Variants in ZFPM1 observed in about 807,000 individuals in gnomAD.
ZFPM1 encodes zinc finger protein ZFPM1.
ZFPM1 carries 28 observed loss-of-function variants against 46.3 expected under a neutral mutation model. That is an observed-to-expected ratio of 0.60 (90% CI 0.45 to 0.83). The LOEUF is 0.83. Ranked by LOEUF, ZFPM1 falls within the 40% of genes least tolerant of loss-of-function variation. The pLI is 0.00. For missense variants in ZFPM1, 1,878 were observed against 1,432.4 expected (o/e 1.31, Z -5.02); for synonymous variants, 957 against 675.9 (o/e 1.42, Z -6.45).
At position 88,489,069 on chromosome 16, in the gene ZFPM1, C is replaced by G. The variant is rs868438302; in HGVS notation, c.184C>G (p.Pro62Ala). 1 of 1,613,136 alleles carries G rather than the reference C, an allele frequency of 6.2e-7. No individual in the cohort carries two copies. Among genetic ancestry groups the G allele is most frequent in the Middle Eastern group, 1.7e-4 (1 of 6,056 alleles). The change falls in exon 3 of 10, where the codon CCA becomes GCA. Residue 62 changes from proline to alanine, a missense_variant. Pro to Ala is a conservative substitution (Grantham distance 27). Transcript: ENST00000319555. ...SPPPLPPPTS[P>A]GGPKELEGQE... ...CCCACCGCTGCCGCCCCCCACATCC[C>G]CAGGAGGCCCCAAGGAGCTGGAAGG...
At chr16:88,463,010 G>A (rs1369341480) in intron 1 of ZFPM1, among the ~76,000 whole-genome samples, 1 of 152,154 alleles carries the variant, frequency 6.6e-6, no homozygotes, top group Non-Finnish European at 1.5e-5. Context: ...AGGTGTCTCT[G>A]TCACGGCTGG....
At position 88,534,794 on chromosome 16, in the gene ZFPM1, C is replaced by G. The variant is rs770946881; in HGVS notation, c.2836C>G (p.Pro946Ala). The part of the protein sequence containing the change: ...PAAAPEAVPP[P>A]PAPPSYSDKG... ...CGCCGCGCCCGAGGCCGTGCCGCCC[C>G]CGCCGGCGCCCCCCTCCTACTCGGA... is the stretch of plus-strand genomic sequence containing the variant. Residue 946 changes from proline (P) to alanine (A), a missense_variant, in exon 10 of 10, where the codon CCG becomes GCG. By Grantham distance (27) the Pro-to-Ala change is conservative. Transcript: ENST00000319555. The G allele has an allele frequency of 1.2e-5, 16 of 1,366,416 alleles. No homozygotes were observed. The African/African-American group carries it at 1.2e-4, about 10-fold the overall frequency. The allele number at this position is 1,366,416 out of a possible 1,614,324, so 84.6% of individuals were successfully genotyped here. A position where few individuals can be genotyped will look rare whatever the true frequency, so the allele number is the denominator to read the frequency against.
chr16:88,534,863 C>G lies in ZFPM1; in HGVS notation c.2905C>G (p.Pro969Ala). The change falls in exon 10 of 10, where the codon CCC becomes GCC. Residue 969 changes from proline to alanine, a missense_variant. Physicochemically the swap from Pro to Ala is conservative, Grantham distance 27. Coordinates refer to ENST00000319555, the MANE Select transcript of ZFPM1 (RefSeq NM_153813.3). ...TPSKGTPAPL[P>A]NGNHRYCRLC... is the part of the protein sequence containing the mutation. ...CAGCAAGGGCACGCCGGCGCCGCTG[C>G]CCAACGGCAACCACCGGTACTGCCG... is the stretch of plus-strand genomic sequence containing the variant. 2 of 1,566,640 alleles carry G rather than the reference C, an allele frequency of 1.3e-6. No homozygotes were observed. Among genetic ancestry groups the G allele is most frequent in the Admixed American group, 3.6e-5 (2 of 55,292 alleles).
intron 1 of ZFPM1, among the ~76,000 whole-genome samples, chr16:88,454,818 A>G (rs1384974332): frequency 2.6e-5 from 4 of 152,302 alleles, no homozygotes; most frequent in African/African-American, 9.6e-5. Context: ...CCAGGAGGCC[A>G]CGACGGAAAC....
At chr16:88,478,230 A>G (rs1006480086) in intron 1 of ZFPM1, among the ~76,000 whole-genome samples, 5 of 152,172 alleles carry the variant, frequency 3.3e-5, no homozygotes, top group African/African-American at 9.7e-5. Flanking sequence ...GGGACCCTGG[A>G]GGTTCAGCCA....
chr16:88,491,227 C>T (rs886874452), intron 3 of ZFPM1, among the ~76,000 whole-genome samples: 2 of 152,170 alleles, frequency 1.3e-5, no homozygotes, highest in African/African-American at 2.4e-5. Flanking sequence ...GCCTCAGTGT[C>T]CCCTGCTGTA....
At chr16:88,477,810 G>C (rs1908752772) in intron 1 of ZFPM1, among the ~76,000 whole-genome samples, 1 of 152,282 alleles carries the variant, frequency 6.6e-6, no homozygotes, top group Non-Finnish European at 1.5e-5. Context: ...GAGTGAGTCA[G>C]GGCTCAGGGC....
At chr16:88,494,134 G>A (rs1016211491) in intron 3 of ZFPM1, among the ~76,000 whole-genome samples, 1 of 152,186 alleles carries the variant, frequency 6.6e-6, no homozygotes, top group African/African-American at 2.4e-5. Context: ...TGCAGGCCTT[G>A]AGCTTGTCGG....
In ZFPM1 at chr16:88,457,008, C is replaced by T. The variant is rs199833194; in HGVS notation, c.40+3330C>T. On this transcript the variant is annotated intron_variant, in intron 1 of 9. Transcript: ENST00000319555. The stretch of plus-strand genomic sequence containing the variant: ...AGCTCAGAACAAGGTGTTTTTCACA[C>T]ACTCTCAGAGTTTGATTAAACAAAT... Among the ~76,000 whole-genome samples the T allele has an allele frequency of 3.9e-5, 6 of 152,342 alleles. No homozygotes were observed. The East Asian group carries it at 1.2e-3, about 29-fold the overall frequency.
At chr16:88,492,014 C>T (rs545986852) in intron 3 of ZFPM1, among the ~76,000 whole-genome samples, 80 of 152,298 alleles carry the variant, frequency 5.3e-4, no homozygotes, top group African/African-American at 1.9e-3. Context: ...CACATTTGCC[C>T]TGCTCCTCCT....
intron 4 of ZFPM1, among the ~76,000 whole-genome samples, chr16:88,525,028 C>T (rs1912202536): frequency 2.0e-5 from 3 of 152,266 alleles, no homozygotes; most frequent in African/African-American, 4.8e-5. Flanking sequence ...AAGCCACCTG[C>T]TCTGCTGGCC....
At chr16:88,461,197 TGGTGAGGACCCA>T (rs1185535897) in intron 1 of ZFPM1, among the ~76,000 whole-genome samples, 45 of 70,298 alleles carry the variant, frequency 6.4e-4, no homozygotes, top group South Asian at 1.8e-3. Flanking sequence ...GCGGGAGGCC[TGGTGAGGACCCA>T]GGGGCGGGAG....
At chr16:88,529,085 G>C (rs1912574720) in intron 6 of ZFPM1, among the ~76,000 whole-genome samples, 2 of 152,262 alleles carry the variant, frequency 1.3e-5, no homozygotes, top group African/African-American at 4.8e-5. Flanking sequence ...TTCAAGGCCA[G>C]ACTGGGCAAC....
Position 88,534,838 on chromosome 16 carries a change from C to T in ZFPM1, c.2880C>T (p.Pro960=). ...PSYSDKGVQT[P]SKGTPAPLPN... ...ACTCGGACAAGGGCGTCCAGACTCC[C>T]AGCAAGGGCACGCCGGCGCCGCTGC... is the stretch of plus-strand genomic sequence containing the variant. Residue 960 remains proline, a synonymous_variant, in exon 10 of 10, where the codon CCC becomes CCT. Coordinates refer to ENST00000319555, the MANE Select transcript of ZFPM1 (RefSeq NM_153813.3). The T allele has an allele frequency of 6.4e-7, 1 of 1,555,450 alleles. No homozygotes were observed. Among genetic ancestry groups the T allele is most frequent in the Non-Finnish European group, 8.6e-7 (1 of 1,158,616 alleles).
chr16:88,476,027 G>T (rs1908666986), intron 1 of ZFPM1, among the ~76,000 whole-genome samples: 1 of 151,966 alleles, frequency 6.6e-6, no homozygotes, highest in Non-Finnish European at 1.5e-5. Flanking sequence ...CCCAATGCTG[G>T]TGCCCCATGA....
At chr16:88,520,551 T>TGAAA (rs1911761309) in intron 4 of ZFPM1, among the ~76,000 whole-genome samples, 1 of 103,322 alleles carries the variant, frequency 9.7e-6, no homozygotes, top group East Asian at 3.1e-4. Context: ...GCTGAAAGGA[T>TGAAA]GGATGGATGG....
intron 4 of ZFPM1, among the ~76,000 whole-genome samples, chr16:88,526,078 C>A (rs2142471585): frequency 6.6e-6 from 1 of 152,302 alleles, no homozygotes; most frequent in South Asian, 2.1e-4. Context: ...CAGGGCCGAT[C>A]CAACACAGTG....
At chr16:88,470,490 G>A (rs1341150059) in intron 1 of ZFPM1, among the ~76,000 whole-genome samples, 4 of 152,176 alleles carry the variant, frequency 2.6e-5, no homozygotes, top group South Asian at 2.1e-4. Context: ...GGTGTGGAGG[G>A]CCGGGTGGTG....
intron 3 of ZFPM1, among the ~76,000 whole-genome samples, chr16:88,499,817 C>T (rs1910148352): frequency 2.0e-5 from 3 of 152,186 alleles, no homozygotes. Flanking sequence ...AGGGAAGGGC[C>T]CAGGCCCACC....
Sources: allele counts gnomAD v4.1 joint callset (sites outside exome capture counted in the v4.1 genomes callset), GRCh38; gene constraint gnomAD v4.1.1; transcripts MANE v1.5; gene names NCBI Gene and HGNC (gene_info 2026-07-23, HGNC 2026-07-21).